The following MOCOS variants were observed in gnomAD, a reference collection of about 807,000 sequenced individuals.
MOCOS encodes human molybdenum cofactor sulfurase.
Under a neutral mutation model 83.6 loss-of-function variants are expected in MOCOS, and 86 were observed. That is an observed-to-expected ratio of 1.03 (90% CI 0.86 to 1.23). The LOEUF is 1.23. Among genes scored for constraint, MOCOS ranks in the 50% most tolerant of loss-of-function variants. The probability of loss-of-function intolerance (pLI) is 0.00; values close to 1 mark genes in which losing one functional copy is unlikely to be tolerated. For missense variants in MOCOS, 1,120 were observed against 1,126.9 expected (o/e 0.99, Z 0.09); for synonymous variants, 445 against 434.7 (o/e 1.02, Z -0.29).
intron 13 of MOCOS, 32 bp from the exon 14 acceptor site, chr18:36,266,717 G>T: frequency 1.3e-6 from 2 of 1,585,432 alleles, no homozygotes; most frequent in South Asian, 1.1e-5. Context: ...TCACTTTTGT[G>T]GCAACGCTGT....
rs755692909 is a variant in MOCOS, at chr18:36,200,203, G to T, written c.820G>T (p.Ala274Ser). Residue 274 changes from alanine to serine, a missense_variant, in exon 4 of 15, where the codon GCT (alanine) becomes TCT (serine). Coordinates refer to ENST00000261326, the MANE Select transcript of MOCOS (RefSeq NM_017947.4). ...CTTCGGGTTTCCTACAGGCCTGGGC[G>T]CTCTGCTGGTCCATAATCGTGCGGC... is the stretch of plus-strand genomic sequence containing the variant. Reference protein sequence around the residue: ...KIFGFPTGLGALLVHNRAAPL... With the variant: ...KIFGFPTGLGSLLVHNRAAPL... The T allele has an allele frequency of 6.2e-7, 1 of 1,614,188 alleles. No individual in the cohort carries two copies. The highest frequency in any genetic ancestry group is 1.3e-5 in the African/African-American group (1 of 75,034).
intron 8 of MOCOS, among the ~76,000 whole-genome samples, chr18:36,218,533 G>A (rs1014478375): frequency 1.3e-5 from 2 of 151,512 alleles, no homozygotes; most frequent in Non-Finnish European, 2.9e-5. Context: ...TTATTTTTTC[G>A]AGATGGGATC....
At chr18:36,231,317 CT>C (rs1270864744) in intron 9 of MOCOS, among the ~76,000 whole-genome samples, 1 of 152,072 alleles carries the variant, frequency 6.6e-6, no homozygotes, top group Non-Finnish European at 1.5e-5. Context: ...GTTTGGTTTG[CT>C]AATATTTTAG....
At position 36,226,452 on chromosome 18, in the gene MOCOS, GT is replaced by G. The variant is rs71168205; in HGVS notation, c.1960+6244del. 9.1e-3 allele frequency among the ~76,000 whole-genome samples: 1,370 copies of G among 150,660 alleles called. 14 individuals are homozygous for G. The highest frequency in any genetic ancestry group is 0.031 in the African/African-American group (1,286 of 41,072). On this transcript the variant is annotated intron_variant, in intron 9 of 14. Coordinates refer to ENST00000261326, the MANE Select transcript of MOCOS (RefSeq NM_017947.4). Reference sequence around the variant, plus strand: ...TTTCTTTTAAACAGCATACAGTTGGGTTTTTTTTTATGTCTTTTTATGCTTC... The same window carrying G: ...TTTCTTTTAAACAGCATACAGTTGGGTTTTTTTTATGTCTTTTTATGCTTC...
intron 7 of MOCOS, among the ~76,000 whole-genome samples, chr18:36,214,040 A>G (rs2091466027): frequency 6.6e-6 from 1 of 152,040 alleles, no homozygotes; most frequent in East Asian, 1.9e-4. Flanking sequence ...TCAGGAGTTC[A>G]TGACCAGCCT....
chr18:36,206,638 C>A (rs146643915), intron 6 of MOCOS, among the ~76,000 whole-genome samples: 14 of 152,192 alleles, frequency 9.2e-5, no homozygotes, highest in African/African-American at 3.4e-4. Context: ...CCCCTCCCCC[C>A]ACCTTCTACC....
In MOCOS at chr18:36,262,250, T is replaced by TACACAC. The variant is rs71168212; in HGVS notation, c.2409+2096_2409+2101dup. Among the ~76,000 whole-genome samples the TACACAC allele has an allele frequency of 2.6e-3, 331 of 127,904 alleles. 6 individuals carry two copies. Among genetic ancestry groups the TACACAC allele is most frequent in the African/African-American group, 6.4e-3 (214 of 33,274 alleles). 83.9% of individuals were successfully genotyped at this position (127,904 alleles called of 152,430 possible). A position where few individuals can be genotyped will look rare whatever the true frequency, so the allele number is the denominator to read the frequency against. The stretch of plus-strand genomic sequence containing the variant: ...AGCATAGCAAGACTTCGTCTCTCTC[T>TACACAC]ACACACACACACACACACACACACA... On this transcript the variant is annotated intron_variant, in intron 13 of 14. Coordinates refer to ENST00000261326, the MANE Select transcript of MOCOS (RefSeq NM_017947.4).
chr18:36,211,718 G>C (rs1200401907), intron 6 of MOCOS, among the ~76,000 whole-genome samples: 2 of 152,094 alleles, frequency 1.3e-5, no homozygotes, highest in African/African-American at 2.4e-5. Context: ...AGGACAAAGG[G>C]TAAGTGTGGC....
chr18:36,250,462 C>A (rs2091617777), intron 10 of MOCOS, among the ~76,000 whole-genome samples: 1 of 152,148 alleles, frequency 6.6e-6, no homozygotes, highest in Non-Finnish European at 1.5e-5. Flanking sequence ...GCTATACCCC[C>A]AGGAAAGCAC....
chr18:36,219,541 T>G (rs1050576158), intron 8 of MOCOS, among the ~76,000 whole-genome samples: 1 of 152,004 alleles, frequency 6.6e-6, no homozygotes, highest in African/African-American at 2.4e-5. Context: ...TAGCCGGGCA[T>G]GGTGGCAGGT....
intron 9 of MOCOS, among the ~76,000 whole-genome samples, chr18:36,242,916 T>C (rs1340662348): frequency 6.6e-6 from 1 of 152,238 alleles, no homozygotes; most frequent in Non-Finnish European, 1.5e-5. Context: ...ATCAGATTTG[T>C]TTCCATTTGT....
In MOCOS at chr18:36,271,763, C is replaced by T. The variant is rs2091699908; in HGVS notation, c.*3078C>T. 6.6e-6 allele frequency: 1 copy of T among 152,188 alleles called. No homozygotes were observed. Among genetic ancestry groups the T allele is most frequent in the Non-Finnish European group, 1.5e-5 (1 of 68,034 alleles). 9.4% of individuals were successfully genotyped at this position (152,188 alleles called of 1,614,324 possible). A position where few individuals can be genotyped will look rare whatever the true frequency, so the allele number is the denominator to read the frequency against. The stretch of plus-strand genomic sequence containing the variant: ...CATAGTTTGGTGAGCATCAAGAATC[C>T]TTTAAGGAGGGTGGCGGTGCTGACT... On this transcript the variant is annotated 3_prime_UTR_variant, in exon 15 of 15. Transcript: ENST00000261326.
intron 9 of MOCOS, among the ~76,000 whole-genome samples, chr18:36,238,993 C>T (rs2091570605): frequency 6.6e-6 from 1 of 151,710 alleles, no homozygotes; most frequent in Admixed American, 6.6e-5. Flanking sequence ...CTTGGTAGGT[C>T]TTCCTCCATC....
intron 8 of MOCOS, among the ~76,000 whole-genome samples, chr18:36,217,114 G>C (rs977516674): frequency 2.6e-5 from 4 of 152,188 alleles, no homozygotes; most frequent in Admixed American, 2.6e-4. Context: ...GGTGGAATCT[G>C]AATGGAGTCT....
At position 36,266,836 on chromosome 18, in the gene MOCOS, G is replaced by A; in HGVS notation, c.2497G>A (p.Glu833Lys). The change falls in exon 14 of 15, where the codon GAG (glutamate) becomes AAG (lysine). Residue 833 changes from glutamate (E) to lysine (K), a missense_variant. By Grantham distance (56) the Glu-to-Lys change is moderately conservative (BLOSUM62 1). Transcript: ENST00000261326. Reference protein sequence around the residue: ...RNQHVFQKLSESRETKVNFGM... With the variant: ...RNQHVFQKLSKSRETKVNFGM... ...CCAGCATGTTTTCCAAAAACTTTCTGAGAGTCGTGAAACAAAGGTAAGCGT... is the reference window on the plus strand; with the variant it reads ...CCAGCATGTTTTCCAAAAACTTTCTAAGAGTCGTGAAACAAAGGTAAGCGT... 1 of 1,613,974 alleles carries A rather than the reference G, an allele frequency of 6.2e-7. No individual in the cohort carries two copies. Among genetic ancestry groups the A allele is most frequent in the Non-Finnish European group, 8.5e-7 (1 of 1,179,946 alleles).
chr18:36,199,649 TC>T, intron 3 of MOCOS, 33 bp from the exon 4 acceptor site: 1 of 1,612,006 alleles, frequency 6.2e-7, no homozygotes, highest in South Asian at 1.1e-5. Flanking sequence ...GGGGCTGAGA[TC>T]CGCGGGTTGC....
chr18:36,188,863 C>A (rs1321605006), intron 1 of MOCOS, among the ~76,000 whole-genome samples: 4 of 151,930 alleles, frequency 2.6e-5, no homozygotes, highest in Non-Finnish European at 5.9e-5. Flanking sequence ...ACTCCTCATC[C>A]TTCCCTCTCG....
chr18:36,199,541 C>G, intron 3 of MOCOS, 142 bp from the exon 4 acceptor site: 1 of 1,306,296 alleles, frequency 7.7e-7, no homozygotes, highest in Non-Finnish European at 1.1e-6. Context: ...CTTCCATTGC[C>G]CTCGCCCTAA....
intron 10 of MOCOS, 137 bp from the exon 11 acceptor site, chr18:36,251,022 C>G (rs1282799751): frequency 7.5e-6 from 8 of 1,066,014 alleles, no homozygotes; most frequent in African/African-American, 6.3e-5. Flanking sequence ...CTTGCAGCAT[C>G]TGTCACTTCA....
Sources: gnomAD v4.1 joint callset for allele counts (sites outside exome capture counted in the v4.1 genomes callset) on GRCh38, gnomAD v4.1.1 for gene constraint, MANE v1.5 for transcripts, NCBI Gene and HGNC (gene_info 2026-07-23, HGNC 2026-07-21) for gene names.